TRPM1: variants seen among roughly 807,000 people sequenced by gnomAD.
The protein encoded by TRPM1 is transient receptor potential cation channel subfamily M member 1.
Under a neutral mutation model 149.4 loss-of-function variants are expected in TRPM1, and 113 were observed. The ratio of observed to expected loss-of-function variants is 0.76; its 90% CI spans 0.65 to 0.88. The LOEUF is 0.88. TRPM1 is among the 40% of genes least tolerant of loss of function. The pLI, the probability that TRPM1 is intolerant of heterozygous loss-of-function variation, is 0.00. For synonymous variants in TRPM1, 741 were observed against 759.5 expected (o/e 0.98, Z 0.40); for missense variants, 1,976 against 2,038.7 (o/e 0.97, Z 0.59).
chr15:31,140,481 A>G (rs1283645898), intron 1 of TRPM1, among the ~76,000 whole-genome samples: 1 of 152,182 alleles, frequency 6.6e-6, no homozygotes, highest in East Asian at 1.9e-4. Context: ...ACCCCTCATG[A>G]ATGCCTTTCC....
intron 27 of TRPM1, among the ~76,000 whole-genome samples, chr15:31,019,590 C>G (rs895797256): frequency 6.6e-6 from 1 of 152,166 alleles, no homozygotes; most frequent in African/African-American, 2.4e-5. Context: ...TTAGTAGAGA[C>G]AGGATTTCAC....
At chr15:31,023,453 C>T (rs982330024) in intron 27 of TRPM1, among the ~76,000 whole-genome samples, 7 of 152,116 alleles carry the variant, frequency 4.6e-5, no homozygotes, top group African/African-American at 1.7e-4. Context: ...GGAACAGGAC[C>T]CCATGAGAGC....
chr15:31,051,934 G>A (rs1317551484), intron 11 of TRPM1, among the ~76,000 whole-genome samples: 2 of 152,122 alleles, frequency 1.3e-5, no homozygotes, highest in South Asian at 2.1e-4. Context: ...CAGAGAACTG[G>A]GGAGCATTGT....
intron 1 of TRPM1, among the ~76,000 whole-genome samples, chr15:31,085,643 C>A (rs2034979625): frequency 1.3e-5 from 2 of 152,184 alleles, no homozygotes; most frequent in South Asian, 4.1e-4. Context: ...GTCGCTTTTG[C>A]CTCCTGCCAG....
In TRPM1 at chr15:31,031,199, G is replaced by A. The variant is rs768940473; in HGVS notation, c.2953-42C>T. On this transcript the variant is annotated intron_variant, in intron 22 of 27. Coordinates refer to ENST00000256552, the MANE Select transcript of TRPM1 (RefSeq NM_001252024.2). Reference sequence around the variant, plus strand: ...TTTGTCTCTCACTGTCTTGGCTTGTGGGCCAAGTTCACCCTGGCTCATTAT... The same window carrying A: ...TTTGTCTCTCACTGTCTTGGCTTGTAGGCCAAGTTCACCCTGGCTCATTAT... 7 of 1,609,862 alleles carry A rather than the reference G, an allele frequency of 4.3e-6. No individual in the cohort carries two copies. In the East Asian group the frequency reaches 1.3e-4, roughly 31 times the overall value.
chr15:31,053,174 A>G (rs2033993700), intron 11 of TRPM1, among the ~76,000 whole-genome samples: 1 of 152,218 alleles, frequency 6.6e-6, no homozygotes, highest in South Asian at 2.1e-4. Flanking sequence ...AACGCTCAAT[A>G]TCACTAATCA....
At chr15:31,069,865 C>G (rs140493891) in intron 4 of TRPM1, 166 bp downstream of exon 4, 2 of 1,580,778 alleles carry the variant, frequency 1.3e-6, no homozygotes, top group East Asian at 4.5e-5. Context: ...AGCCTCATGG[C>G]TAAAAGCCAT....
chr15:31,115,423 G>T (rs940728377), intron 1 of TRPM1, among the ~76,000 whole-genome samples: 2 of 152,198 alleles, frequency 1.3e-5, no homozygotes, highest in Non-Finnish European at 2.9e-5. Flanking sequence ...GGTCACAGGG[G>T]CAAACTGACA....
chr15:31,020,312 G>A (rs2032511562), intron 27 of TRPM1, among the ~76,000 whole-genome samples: 1 of 152,218 alleles, frequency 6.6e-6, no homozygotes, highest in Admixed American at 6.5e-5. Flanking sequence ...TTTGGTGCCT[G>A]GAGGCAATGT....
At chr15:31,115,366 T>C (rs1186566957) in intron 1 of TRPM1, among the ~76,000 whole-genome samples, 1 of 152,190 alleles carries the variant, frequency 6.6e-6, no homozygotes, top group African/African-American at 2.4e-5. Context: ...GCCATCACTT[T>C]CATTCTCACA....
rs551877477 is a variant in TRPM1, at chr15:31,049,289, G to A, written c.1572+86C>T. 1.7e-5 allele frequency: 27 copies of A among 1,596,700 alleles called. No individual in the cohort carries two copies. In the South Asian group the frequency reaches 2.2e-4, roughly 13 times the overall value. ...ACCTCCCAGCTGAAGGAGGTCAGAT[G>A]AGCACATTTATGCACAATATGCACC... is the stretch of plus-strand genomic sequence containing the variant. On this transcript the variant is annotated intron_variant, in intron 13 of 27. Coordinates refer to ENST00000256552, the MANE Select transcript of TRPM1 (RefSeq NM_001252024.2).
At chr15:31,033,959 C>G (rs759111825) in intron 21 of TRPM1, among the ~76,000 whole-genome samples, 1 of 152,122 alleles carries the variant, frequency 6.6e-6, no homozygotes, top group African/African-American at 2.4e-5. Context: ...CTAATTAGAC[C>G]GATGCCATCA....
At position 31,002,988 on chromosome 15, in the gene TRPM1, G is replaced by A. The variant is rs986957115; in HGVS notation, c.3712C>T (p.Arg1238Ter). 2 of 1,594,360 alleles carry A rather than the reference G, an allele frequency of 1.3e-6. No homozygotes were observed. The highest frequency in any genetic ancestry group is 1.7e-6 in the Non-Finnish European group (2 of 1,172,716). The change falls in exon 28 of 28, where the codon CGA becomes TGA. Residue 1238 changes from arginine to a stop codon, truncating the protein, a stop_gained. Coordinates refer to ENST00000256552, the MANE Select transcript of TRPM1 (RefSeq NM_001252024.2). LOFTEE classifies it low-confidence loss of function (END_TRUNC). ...MKTSLQTVDL[R>*]LAQLEELSNR... ...GATAATTCTTCTAGCTGAGCAAGTC[G>A]AAGGTCAACAGTCTGCAGGGAAGTT...
chr15:31,111,435 G>T (rs893704025), intron 1 of TRPM1, among the ~76,000 whole-genome samples: 10 of 152,148 alleles, frequency 6.6e-5, no homozygotes, highest in African/African-American at 2.2e-4. Flanking sequence ...CCAAAATGTG[G>T]GTCCAATTAT....
rs916691236 is a variant in TRPM1 at position 31,110,222 on chromosome 15, T to TA, written c.55-33239dup. On this transcript the variant is annotated intron_variant, in intron 1 of 26. Transcript: ENST00000542188. ...AAATAAAGAAATAAAAGTGGTAGGT[T>TA]AAAAAAATCTTCATTTGTAAATTAA... 3.9e-5 allele frequency among the ~76,000 whole-genome samples: 6 copies of TA among 152,262 alleles called. 1 individual carries two copies. Among genetic ancestry groups the TA allele is most frequent in the African/African-American group, 1.2e-4 (5 of 41,550 alleles).
chr15:31,107,849 ATTTCT>A (rs1050753209), intron 1 of TRPM1, among the ~76,000 whole-genome samples: 5 of 149,194 alleles, frequency 3.4e-5, no homozygotes, highest in South Asian at 2.1e-4. Flanking sequence ...GAATTTGTAA[ATTTCT>A]TTTCTTTTCT....
intron 3 of TRPM1, among the ~76,000 whole-genome samples, chr15:31,072,744 T>G (rs559518076): frequency 6.6e-5 from 10 of 152,308 alleles, no homozygotes; most frequent in Non-Finnish European, 1.2e-4. Flanking sequence ...TCATCATGGT[T>G]TTGATTTGCA....
chr15:31,092,076 AG>A (rs2035254431), intron 1 of TRPM1, among the ~76,000 whole-genome samples: 1 of 80,350 alleles, frequency 1.2e-5, no homozygotes, highest in Non-Finnish European at 2.2e-5. Flanking sequence ...TGAGGGAGAA[AG>A]TTTTTCTCTC....
chr15:31,105,487 G>A (rs114560309), upstream of TRPM1, among the ~76,000 whole-genome samples: 2,864 of 151,096 alleles, frequency 0.019, 32 homozygotes, highest in Middle Eastern at 0.027. Context: ...GCGCGCGCGC[G>A]TGCATCTGTA....
Sources: gnomAD v4.1 joint callset for allele counts (sites outside exome capture counted in the v4.1 genomes callset) on GRCh38, gnomAD v4.1.1 for gene constraint, MANE v1.5 for transcripts, NCBI Gene and HGNC (gene_info 2026-07-23, HGNC 2026-07-21) for gene names.